ETFBKMT: variants seen among roughly 807,000 people sequenced by gnomAD.
ETFBKMT encodes electron transfer flavoprotein beta subunit lysine methyltransferase.
A neutral mutation model predicts 18.3 loss-of-function variants in ETFBKMT; 13 were observed. That is an observed-to-expected ratio of 0.71 (90% confidence interval 0.46 to 1.13). The LOEUF is 1.13. ETFBKMT is among the 50% of genes most tolerant of loss of function. ETFBKMT has a pLI of 0.00. For missense variants in ETFBKMT, 293 were observed against 306.2 expected (o/e 0.96, Z 0.32); for synonymous variants, 84 against 107.9 (o/e 0.78, Z 1.37).
In ETFBKMT at chr12:31,668,043, A is replaced by C; in HGVS notation, c.*53A>C. ...ATAGTAATGTTTGGATCTGACTCTAAAAGTTTTCTCTATAGGAGATACTCT... is the reference window on the plus strand; with the variant it reads ...ATAGTAATGTTTGGATCTGACTCTACAAGTTTTCTCTATAGGAGATACTCT... On this transcript the variant is annotated 3_prime_UTR_variant, in exon 4 of 4. Coordinates refer to ENST00000357721, the MANE Select transcript of ETFBKMT (RefSeq NM_001135863.2). The C allele has an allele frequency of 6.9e-7, 1 of 1,442,874 alleles. No homozygotes were observed. Among genetic ancestry groups the C allele is most frequent in the South Asian group, 1.3e-5 (1 of 77,420 alleles). The allele number at this position is 1,442,874 out of a possible 1,614,324, so 89.4% of individuals were successfully genotyped here. A position where few individuals can be genotyped will look rare whatever the true frequency, so the allele number is the denominator to read the frequency against.
chr12:31,656,000 T>G (rs80006182), upstream of ETFBKMT, among the ~76,000 whole-genome samples: 2,099 of 152,332 alleles, frequency 0.014, 27 homozygotes, highest in South Asian at 0.06. Context: ...AAAAGTAAAT[T>G]TTTTAAATGA....
chr12:31,653,074 C>T (rs938953692), intron 1 of ETFBKMT, among the ~76,000 whole-genome samples: 2 of 152,122 alleles, frequency 1.3e-5, no homozygotes, highest in Non-Finnish European at 2.9e-5. Flanking sequence ...CCGGCCTTGG[C>T]GGCATGCGCC....
At position 31,672,430 on chromosome 12, in the gene ETFBKMT, G is replaced by A; in HGVS notation, c.*4440G>A. The A allele has an allele frequency of 4.9e-6, 6 of 1,233,704 alleles. No individual in the cohort carries two copies. The highest frequency in any genetic ancestry group is 1.5e-5 in the African/African-American group (1 of 66,572). The allele number at this position is 1,233,704 out of a possible 1,614,324, so 76.4% of individuals were successfully genotyped here. A position where few individuals can be genotyped will look rare whatever the true frequency, so the allele number is the denominator to read the frequency against. On this transcript the variant is annotated 3_prime_UTR_variant, in exon 4 of 4. Coordinates refer to ENST00000357721, the MANE Select transcript of ETFBKMT (RefSeq NM_001135863.2). ...TAATTGACAATAAAAAATGTTTAAT[G>A]TTTCCTCATGTCTAACTGGAGGTGA...
Position 31,649,111 on chromosome 12 carries a change from C to T in ETFBKMT, c.-114+1856C>T, listed in dbSNP as rs138820806. Among the ~76,000 whole-genome samples the T allele has an allele frequency of 9.3e-3, 1,415 of 152,290 alleles. 29 individuals carry two copies. The highest frequency in any genetic ancestry group is 0.032 in the African/African-American group (1,330 of 41,582). On this transcript the variant is annotated intron_variant, in intron 1 of 3. Transcript: ENST00000412352. ...GGATTACAGGCGCCCACCACCATGCCGGGCTAATGTTTTGTATTTTAGTAG... is the reference window on the plus strand; with the variant it reads ...GGATTACAGGCGCCCACCACCATGCTGGGCTAATGTTTTGTATTTTAGTAG...
rs1465488949 is a variant in ETFBKMT at position 31,671,914 on chromosome 12, T to TGG, written c.*3924_*3925insGG. 1 of 155,550 alleles carries TGG rather than the reference T, an allele frequency of 6.4e-6. No homozygotes were observed. Among genetic ancestry groups the TGG allele is most frequent in the Non-Finnish European group, 1.4e-5 (1 of 70,312 alleles). 9.6% of individuals were successfully genotyped at this position (155,550 alleles called of 1,614,324 possible). A position where few individuals can be genotyped will look rare whatever the true frequency, so the allele number is the denominator to read the frequency against. On this transcript the variant is annotated 3_prime_UTR_variant, in exon 4 of 4. Coordinates refer to ENST00000357721, the MANE Select transcript of ETFBKMT (RefSeq NM_001135863.2). ...CTTTTAGAAATATGTTTACTTAGAT[T>TGG]CTCCCAAGGTTTATACTTACAGGTA...
At chr12:31,651,729 CACTT>C in intron 1 of ETFBKMT, among the ~76,000 whole-genome samples, 1 of 152,318 alleles carries the variant, frequency 6.6e-6, no homozygotes, top group Admixed American at 6.5e-5. Flanking sequence ...ACTAAACGAA[CACTT>C]ACCTTTCACT....
intron 2 of ETFBKMT, among the ~76,000 whole-genome samples, chr12:31,665,364 C>T (rs1426154489): frequency 6.6e-6 from 1 of 152,248 alleles, no homozygotes; most frequent in African/African-American, 2.4e-5. Context: ...CTGCCCAGCT[C>T]TGGAGATGGA....
At chr12:31,654,909 AGCCAG>A (rs1317861343), upstream of ETFBKMT, among the ~76,000 whole-genome samples, 2 of 152,016 alleles carry the variant, frequency 1.3e-5, no homozygotes, top group African/African-American at 4.8e-5. Flanking sequence ...TATAAAAATT[AGCCAG>A]GTGTGGTGGT....
chr12:31,667,519 T>TA, intron 3 of ETFBKMT, 128 bp from the exon 4 acceptor site: 2 of 764,738 alleles, frequency 2.6e-6, no homozygotes, highest in South Asian at 1.9e-5. Flanking sequence ...TTCTCTACTT[T>TA]AAAAAACAAC....
intron 1 of ETFBKMT, among the ~76,000 whole-genome samples, chr12:31,661,456 T>C (rs1360747016): frequency 6.6e-6 from 1 of 152,184 alleles, no homozygotes; most frequent in African/African-American, 2.4e-5. Flanking sequence ...GATACAGTAA[T>C]ATACACTGTA....
chr12:31,666,648 T>TTTTA (rs151199547), intron 3 of ETFBKMT, among the ~76,000 whole-genome samples: 29,538 of 151,350 alleles, frequency 0.2, 3,662 homozygotes, highest in East Asian at 0.37. Flanking sequence ...CTTTATTTTA[T>TTTTA]TTTATTTATT....
At chr12:31,654,581 A>AAAGTATATT (rs1394969412), upstream of ETFBKMT, among the ~76,000 whole-genome samples, 2 of 152,252 alleles carry the variant, frequency 1.3e-5, no homozygotes, top group African/African-American at 4.8e-5. Flanking sequence ...ACAATGAAAC[A>AAAGTATATT]CTACTTAGCA....
Position 31,671,972 on chromosome 12 carries a change from G to A in ETFBKMT, c.*3982G>A, listed in dbSNP as rs1481282223. The A allele has an allele frequency of 5.1e-6, 1 of 196,020 alleles. No homozygotes were observed. The highest frequency in any genetic ancestry group is 2.3e-5 in the African/African-American group (1 of 42,716). 12.1% of individuals were successfully genotyped at this position (196,020 alleles called of 1,614,324 possible). A position where few individuals can be genotyped will look rare whatever the true frequency, so the allele number is the denominator to read the frequency against. ...AACAATAGCTCAAATACCTACATAG[G>A]AGAAGGAAATCTCAAGGGAAAACAG... On this transcript the variant is annotated 3_prime_UTR_variant, in exon 4 of 4. Transcript: ENST00000357721.
At chr12:31,647,631 T>A (rs1271284690) in intron 1 of ETFBKMT, among the ~76,000 whole-genome samples, 2 of 151,992 alleles carry the variant, frequency 1.3e-5, no homozygotes, top group African/African-American at 4.8e-5. Context: ...GAGTTCGAGA[T>A]CAGCCTGGCC....
chr12:31,662,004 C>T lies in ETFBKMT; in HGVS notation c.51C>T (p.Leu17=), dbSNP rs755496736. The change falls in exon 2 of 4, where the codon CTC becomes CTT. Residue 17 remains leucine (L), a synonymous_variant. Transcript: ENST00000357721. The part of the protein sequence containing the change: ...WKAHRNHCGL[L]LQALRSSGLL... ...CACACAGGAACCACTGTGGTCTCCTCTTGCAGGCTCTGCGAAGCAGTGGTC... is the reference window on the plus strand; with the variant it reads ...CACACAGGAACCACTGTGGTCTCCTTTTGCAGGCTCTGCGAAGCAGTGGTC... 3 of 1,614,222 alleles carry T rather than the reference C, an allele frequency of 1.9e-6. No individual in the cohort carries two copies. The highest frequency in any genetic ancestry group is 2.5e-6 in the Non-Finnish European group (3 of 1,180,030).
intron 1 of ETFBKMT, chr12:31,660,750 AAT>A (rs1951112069): frequency 6.6e-6 from 1 of 152,240 alleles, no homozygotes; most frequent in Admixed American, 6.5e-5. Flanking sequence ...TCTTTAATGA[AAT>A]AGAGTAGTCA....
In ETFBKMT at chr12:31,668,330, G is replaced by A; in HGVS notation, c.*340G>A. On this transcript the variant is annotated 3_prime_UTR_variant, in exon 4 of 4. Transcript: ENST00000357721. ...TAGCTGGATCTGTTTCTGTAGTCGAGGACAACTGTGATGTAACTTTGAATT... is the reference window on the plus strand; with the variant it reads ...TAGCTGGATCTGTTTCTGTAGTCGAAGACAACTGTGATGTAACTTTGAATT... The A allele has an allele frequency of 5.4e-6, 1 of 184,968 alleles. No individual in the cohort carries two copies. The highest frequency in any genetic ancestry group is 5.9e-5 in the Admixed American group (1 of 17,084). The allele number at this position is 184,968 out of a possible 1,614,324, so 11.5% of individuals were successfully genotyped here.
At chr12:31,647,978 CAT>C (rs1205608538) in intron 1 of ETFBKMT, among the ~76,000 whole-genome samples, 1 of 152,184 alleles carries the variant, frequency 6.6e-6, no homozygotes, top group African/African-American at 2.4e-5. Context: ...ATAATTTGAG[CAT>C]AGAGTTACTA....
At chr12:31,655,153 T>C (rs190528021), upstream of ETFBKMT, among the ~76,000 whole-genome samples, 2 of 151,212 alleles carry the variant, frequency 1.3e-5, no homozygotes, top group Admixed American at 1.3e-4. Flanking sequence ...GCACTGAATA[T>C]ATTCACTATC....
Sources: allele counts gnomAD v4.1 joint callset (sites outside exome capture counted in the v4.1 genomes callset), GRCh38; gene constraint gnomAD v4.1.1; transcripts MANE v1.5; gene names NCBI Gene and HGNC (gene_info 2026-07-23, HGNC 2026-07-21).